The following IPO7 variants were observed in gnomAD, a reference collection of about 807,000 sequenced individuals.
The protein encoded by IPO7 is importin-7.
In IPO7, 13 loss-of-function variants were observed where a neutral mutation model predicts 136.4. The observed-to-expected ratio is 0.10, with a 90% CI of 0.06 to 0.15. The LOEUF is 0.15. Ranked by LOEUF, IPO7 falls within the 10% of genes least tolerant of loss-of-function variation. The probability of loss-of-function intolerance (pLI) is 1.00; values close to 1 mark genes in which losing one functional copy is unlikely to be tolerated. For synonymous variants in IPO7, 403 were observed against 404.4 expected (o/e 1.00, Z 0.04); for missense variants, 857 against 1,240.6 (o/e 0.69, Z 4.65).
chr11:9,438,291 G>C lies in IPO7; in HGVS notation c.2695+6G>C. 6.7e-7 allele frequency: 1 copy of C among 1,492,630 alleles called. No individual in the cohort carries two copies. Among genetic ancestry groups the C allele is most frequent in the Non-Finnish European group, 9.3e-7 (1 of 1,073,964 alleles). 92.5% of individuals were successfully genotyped at this position (1,492,630 alleles called of 1,614,324 possible). On this transcript the variant is annotated splice_donor_region_variant and intron_variant, in intron 22 of 24. Transcript: ENST00000379719. ...TGAAGATGATGATGAAACCGGTAAG[G>C]GATTTTCAATGGAAGAAGACAAAAC...
At chr11:9,395,777 C>T (rs534324386) in intron 1 of IPO7, among the ~76,000 whole-genome samples, 34 of 151,242 alleles carry the variant, frequency 2.2e-4, no homozygotes, top group African/African-American at 6.1e-4. Flanking sequence ...AGTGCAATGG[C>T]GCAATCTCGG....
At position 9,438,293 on chromosome 11, in the gene IPO7, AT is replaced by A; in HGVS notation, c.2695+12del. On this transcript the variant is annotated intron_variant, in intron 22 of 24. Coordinates refer to ENST00000379719, the MANE Select transcript of IPO7 (RefSeq NM_006391.3). ...AAGATGATGATGAAACCGGTAAGGG[AT>A]TTTCAATGGAAGAAGACAAAACTTA... The A allele has an allele frequency of 6.8e-7, 1 of 1,471,798 alleles. No individual in the cohort carries two copies. 91.2% of individuals were successfully genotyped at this position (1,471,798 alleles called of 1,614,324 possible).
At chr11:9,417,561 CTA>C (rs1448544761) in intron 6 of IPO7, among the ~76,000 whole-genome samples, 8 of 151,890 alleles carry the variant, frequency 5.3e-5, no homozygotes, top group African/African-American at 1.7e-4. Flanking sequence ...CTTAATAACT[CTA>C]TTGAGAAATA....
intron 13 of IPO7, 107 bp downstream of exon 13, chr11:9,428,736 T>A (rs778031308): frequency 1.2e-6 from 1 of 808,504 alleles, no homozygotes; most frequent in East Asian, 2.4e-5. Flanking sequence ...CTGTGTCTTA[T>A]TTTAGGTTTC....
Position 9,446,513 on chromosome 11 carries a change from C to T in IPO7, c.*1319C>T, listed in dbSNP as rs1855530830. 1 of 152,124 alleles carries T rather than the reference C, an allele frequency of 6.6e-6. No homozygotes were observed. The allele number at this position is 152,124 out of a possible 1,614,324, so 9.4% of individuals were successfully genotyped here. On this transcript the variant is annotated 3_prime_UTR_variant, in exon 25 of 25. Coordinates refer to ENST00000379719, the MANE Select transcript of IPO7 (RefSeq NM_006391.3). ...TACTGTAGAGAGGTTGGCTTGCTTC[C>T]CTCTCTTCCTAACTGCATGTTGAAA...
intron 20 of IPO7, among the ~76,000 whole-genome samples, chr11:9,436,868 A>ATATAT (rs1855382626): frequency 5.5e-5 from 1 of 18,228 alleles, no homozygotes; most frequent in African/African-American, 2.2e-4. Flanking sequence ...ATATATATAT[A>ATATAT]TTTTTTTTTT....
chr11:9,406,780 A>G (rs1360401055), intron 2 of IPO7, among the ~76,000 whole-genome samples: 1 of 152,140 alleles, frequency 6.6e-6, no homozygotes, highest in African/African-American at 2.4e-5. Context: ...AGGCTGAGGC[A>G]GGAGAATCGC....
chr11:9,415,560 C>A (rs905941618), intron 5 of IPO7, among the ~76,000 whole-genome samples: 1 of 151,968 alleles, frequency 6.6e-6, no homozygotes, highest in African/African-American at 2.4e-5. Flanking sequence ...TGGTTGGGGC[C>A]GGGCGTGATG....
chr11:9,432,340 T>G (rs1411413585), intron 16 of IPO7, among the ~76,000 whole-genome samples: 1 of 151,652 alleles, frequency 6.6e-6, no homozygotes, highest in Non-Finnish European at 1.5e-5. Context: ...TAACTGGGAG[T>G]GCAGGCGCGC....
intron 6 of IPO7, 172 bp from the exon 7 acceptor site, chr11:9,420,239 C>T (rs1855107605): frequency 1.9e-6 from 1 of 518,138 alleles, no homozygotes; most frequent in Admixed American, 3.6e-5. Context: ...ATTGTGTGAA[C>T]TCGGGAGGCG....
chr11:9,429,562 T>C, intron 14 of IPO7, 112 bp from the exon 15 acceptor site: 1 of 693,346 alleles, frequency 1.4e-6, no homozygotes, highest in Non-Finnish European at 2.3e-6. Context: ...AAACTTGGCA[T>C]ACTTCCTTTT....
intron 10 of IPO7, 39 bp downstream of exon 10, chr11:9,423,915 G>A: frequency 8.1e-7 from 1 of 1,234,334 alleles, no homozygotes; most frequent in Non-Finnish European, 1.2e-6. Flanking sequence ...AAAAATGTCA[G>A]TAATTAAGAT....
chr11:9,386,104 G>C (rs1476889195), intron 1 of IPO7, among the ~76,000 whole-genome samples: 2 of 152,198 alleles, frequency 1.3e-5, no homozygotes, highest in African/African-American at 4.8e-5. Context: ...TGGACTTTCA[G>C]TGTAAAGGGC....
intron 1 of IPO7, among the ~76,000 whole-genome samples, chr11:9,385,472 T>C (rs1207727624): frequency 2.6e-5 from 4 of 152,158 alleles, no homozygotes; most frequent in Admixed American, 2.0e-4. Context: ...TTTTCCGCTG[T>C]CCTAATGCTT....
intron 23 of IPO7, 28 bp downstream of exon 23, chr11:9,440,689 AT>A (rs1855449843): frequency 1.3e-6 from 2 of 1,481,906 alleles, no homozygotes; most frequent in African/African-American, 2.8e-5. Flanking sequence ...ATGTGGATCC[AT>A]TTCATTGAAC....
intron 2 of IPO7, among the ~76,000 whole-genome samples, chr11:9,404,951 G>A (rs7113100): frequency 0.018 from 2,688 of 152,196 alleles, 74 homozygotes; most frequent in African/African-American, 0.06. Flanking sequence ...ATAGAATTTA[G>A]TCTGAAGTCT....
intron 1 of IPO7, among the ~76,000 whole-genome samples, chr11:9,398,860 T>C (rs768498918): frequency 3.9e-5 from 6 of 152,176 alleles, no homozygotes; most frequent in Non-Finnish European, 7.3e-5. Flanking sequence ...TTTGTATCTG[T>C]TAAATATGTT....
At chr11:9,411,787 C>T (rs1470268712) in intron 4 of IPO7, among the ~76,000 whole-genome samples, 2 of 152,134 alleles carry the variant, frequency 1.3e-5, no homozygotes, top group Non-Finnish European at 2.9e-5. Flanking sequence ...TCAGGTCTTA[C>T]AGGGTAGTAA....
At chr11:9,438,860 G>C (rs1855420943) in intron 22 of IPO7, among the ~76,000 whole-genome samples, 1 of 152,220 alleles carries the variant, frequency 6.6e-6, no homozygotes, top group African/African-American at 2.4e-5. Context: ...AGATGAATGA[G>C]ATGTCATGCA....
Sources: gnomAD v4.1 joint callset for allele counts (sites outside exome capture counted in the v4.1 genomes callset) on GRCh38, gnomAD v4.1.1 for gene constraint, MANE v1.5 for transcripts, NCBI Gene and HGNC (gene_info 2026-07-23, HGNC 2026-07-21) for gene names.